SGSH: variants seen among roughly 807,000 people sequenced by gnomAD.
The protein encoded by SGSH is heparan sulfate sulfatase.
Under a neutral mutation model 51.0 loss-of-function variants are expected in SGSH, and 48 were observed. The observed-to-expected ratio is 0.94, with a 90% CI of 0.75 to 1.20. SGSH has a LOEUF of 1.20. Ranked by LOEUF, SGSH falls within the 50% of genes most tolerant of loss-of-function variation. The probability of loss-of-function intolerance (pLI) is 0.00; values close to 1 mark genes in which losing one functional copy is unlikely to be tolerated. For missense variants in SGSH, 662 were observed against 717.8 expected, an observed-to-expected ratio of 0.92 and a Z score of 0.89; for synonymous variants, 321 against 313.4, an observed-to-expected ratio of 1.02 and a Z score of -0.26.
At chr17:80,202,681 T>G, downstream of SGSH, 1 of 1,190,410 alleles carries the variant, frequency 8.4e-7, no homozygotes, top group Non-Finnish European at 1.1e-6. Context: ...TTTGGTACCA[T>G]GGACGTTTGG....
rs113462619 is a variant in SGSH, at chr17:80,210,220, A to G, written c.*232T>C. On this transcript the variant is annotated 3_prime_UTR_variant, in exon 8 of 8. Transcript: ENST00000326317. The stretch of plus-strand genomic sequence containing the variant: ...CACAAGGACAACTGTGTCCCCTGCC[A>G]TGACGGCAGTGCCCCTGGTGGTGGA... The G allele has an allele frequency of 4.6e-4, 651 of 1,419,594 alleles. 5 individuals are homozygous for G. The African/African-American group carries it at 8.1e-3, about 18-fold the overall frequency. 87.9% of individuals were successfully genotyped at this position (1,419,594 alleles called of 1,614,324 possible).
At chr17:80,205,807 ACTCAT>A (rs2041268858), downstream of SGSH, 1 of 673,722 alleles carries the variant, frequency 1.5e-6, no homozygotes, top group Admixed American at 3.3e-5. Flanking sequence ...GGAGCCCAAA[ACTCAT>A]CTCAGCCAGT....
chr17:80,201,590 C>G, the SGSH span: 3 of 751,920 alleles, frequency 4.0e-6, no homozygotes. The surrounding 1 kb of genome is among the most constrained non-coding windows in gnomAD (Gnocchi z 5.0). Flanking sequence ...CACAGAGGCT[C>G]TGGTGTGTGG....
chr17:80,214,746 G>C lies in SGSH; in HGVS notation c.375C>G (p.His125Gln). Residue 125 changes from histidine to glutamine, a missense_variant, in exon 4 of 8, where the codon CAC becomes CAG. By Grantham distance (24) the His-to-Gln change is conservative. Transcript: ENST00000326317. The stretch of plus-strand genomic sequence containing the variant: ...ACGGGTACACGGTCTCCGGCCCCAC[G>C]TGCTTCTTCCCGATGATGCCTGGGC... Reference protein sequence around the residue: ...GVRTGIIGKKHVGPETVYPFD... With the variant: ...GVRTGIIGKKQVGPETVYPFD... 1 of 1,612,454 alleles carries C rather than the reference G, an allele frequency of 6.2e-7. No individual in the cohort carries two copies. Among genetic ancestry groups the C allele is most frequent in the Non-Finnish European group, 8.5e-7 (1 of 1,180,002 alleles).
rs373302525 is a variant in SGSH at position 80,212,289 on chromosome 17, C to G, written c.746-15G>C. On this transcript the variant is annotated splice_polypyrimidine_tract_variant and intron_variant, in intron 6 of 7. Transcript: ENST00000326317. This position sits in a 1 kb window ranked among gnomAD's most constrained non-coding sequence, Gnocchi z 5.9. ...CAGTCCAACTCCTGTGGTGAGGGGC[C>G]GAGAAGCAGAGCTCAGCCGCAGACA... 4 of 1,592,666 alleles carry G rather than the reference C, an allele frequency of 2.5e-6. No individual in the cohort carries two copies. Among genetic ancestry groups the G allele is most frequent in the African/African-American group, 1.3e-5 (1 of 74,510 alleles).
chr17:80,216,811 T>C lies in SGSH; in HGVS notation c.249+221A>G, dbSNP rs922762252. The stretch of plus-strand genomic sequence containing the variant: ...ACTGAGGCACAAGGAGGTAGGTGAC[T>C]TGCTCAAGGCCACACACAGCAGTGC... On this transcript the variant is annotated intron_variant, in intron 2 of 7. Transcript: ENST00000326317. 18 of 579,784 alleles carry C rather than the reference T, an allele frequency of 3.1e-5. No homozygotes were observed. In the African/African-American group the frequency reaches 3.4e-4, roughly 11 times the overall value. The allele number at this position is 579,784 out of a possible 1,614,324, so 35.9% of individuals were successfully genotyped here. A position where few individuals can be genotyped will look rare whatever the true frequency, so the allele number is the denominator to read the frequency against.
At chr17:80,218,919 G>A (rs944086075) in intron 1 of SGSH, among the ~76,000 whole-genome samples, 1 of 152,128 alleles carries the variant, frequency 6.6e-6, no homozygotes, top group African/African-American at 2.4e-5. Flanking sequence ...CCAGCACCCG[G>A]GAGGCCAAGG....
chr17:80,204,518 G>A (rs1425868413), downstream of SGSH: 2 of 558,754 alleles, frequency 3.6e-6, no homozygotes, highest in Non-Finnish European at 6.0e-6. Flanking sequence ...CAGATACTCG[G>A]GAGGCTGAGG....
chr17:80,204,253 G>A (rs750412113), downstream of SGSH: 17 of 1,596,512 alleles, frequency 1.1e-5, no homozygotes, highest in African/African-American at 1.3e-5. Context: ...CACAGAAGCT[G>A]GTCCGCATCG....
chr17:80,214,034 C>A (rs773166549), intron 5 of SGSH, 138 bp downstream of exon 5: 1 of 1,349,618 alleles, frequency 7.4e-7, no homozygotes, highest in Non-Finnish European at 1.0e-6. Context: ...TCTGTGGCCC[C>A]GAGGTTGGGA....
chr17:80,206,900 G>A (rs558425838), downstream of SGSH: 77 of 1,130,942 alleles, frequency 6.8e-5, 2 homozygotes, highest in South Asian at 1.1e-3. Flanking sequence ...CTTCTGACCT[G>A]GGCGTTGGCT....
intron 3 of SGSH, 38 bp from the exon 4 acceptor site, chr17:80,214,803 C>T: frequency 1.2e-6 from 2 of 1,603,530 alleles, no homozygotes; most frequent in Non-Finnish European, 1.7e-6. Flanking sequence ...GTCCCTTCAG[C>T]CTCCCAACCC....
chr17:80,207,438 C>G (rs2041391719), downstream of SGSH, among the ~76,000 whole-genome samples: 1 of 152,124 alleles, frequency 6.6e-6, no homozygotes, highest in Non-Finnish European at 1.5e-5. Flanking sequence ...GTAATCCCAG[C>G]TACTCGGGAG....
intron 5 of SGSH, 33 bp downstream of exon 5, chr17:80,214,139 G>A (rs769885949): frequency 1.1e-5 from 18 of 1,588,942 alleles, no homozygotes; most frequent in African/African-American, 2.7e-5. Context: ...CAGGGCTGAC[G>A]GGCGTCCTGA....
At chr17:80,217,490 C>G (rs2041937799) in intron 1 of SGSH, among the ~76,000 whole-genome samples, 1 of 151,978 alleles carries the variant, frequency 6.6e-6, no homozygotes, top group South Asian at 2.1e-4. Context: ...CCCATACCCA[C>G]TGGGTATGTT....
At position 80,212,529 on chromosome 17, in the gene SGSH, A is replaced by C; in HGVS notation, c.746-255T>G. On this transcript the variant is annotated intron_variant, in intron 6 of 7. Coordinates refer to ENST00000326317, the MANE Select transcript of SGSH (RefSeq NM_000199.5). This position sits in a 1 kb window ranked among gnomAD's most constrained non-coding sequence, Gnocchi z 5.9. The stretch of plus-strand genomic sequence containing the variant: ...AGCCATCCCTTGGCACTTCTGTGTC[A>C]CCCCCAGGCAGCTGCTCCCTGGTGC... The C allele has an allele frequency of 1.8e-6, 1 of 546,854 alleles. No homozygotes were observed. Among genetic ancestry groups the C allele is most frequent in the Non-Finnish European group, 3.3e-6 (1 of 301,690 alleles). 33.9% of individuals were successfully genotyped at this position (546,854 alleles called of 1,614,324 possible).
At chr17:80,205,073 C>T, downstream of SGSH, 1 of 1,611,464 alleles carries the variant, frequency 6.2e-7, no homozygotes. Flanking sequence ...CTGCCTCACC[C>T]TGGTGCCCTA....
At chr17:80,217,303 G>T in intron 1 of SGSH, 111 bp from the exon 2 acceptor site, 2 of 1,273,160 alleles carry the variant, frequency 1.6e-6, no homozygotes, top group Non-Finnish European at 2.2e-6. Flanking sequence ...ACCCAGGTGG[G>T]CATGGTACTG....
chr17:80,215,290 C>CTCCCA (rs1567925231), intron 2 of SGSH, 152 bp from the exon 3 acceptor site: 1 of 679,930 alleles, frequency 1.5e-6, no homozygotes, highest in African/African-American at 1.8e-5. Flanking sequence ...CTGGCTGTAC[C>CTCCCA]TCCCACTCCC....
Sources: gnomAD v4.1 joint callset for allele counts (sites outside exome capture counted in the v4.1 genomes callset) on GRCh38, gnomAD v4.1.1 for gene constraint, Gnocchi (gnomAD v3.1) non-coding constraint, MANE v1.5 for transcripts, NCBI Gene and HGNC (gene_info 2026-07-23, HGNC 2026-07-21) for gene names.